MACROD2: variants seen among roughly 807,000 people sequenced by gnomAD.
MACROD2 encodes ADP-ribose glycohydrolase MACROD2.
A neutral mutation model predicts 70.4 loss-of-function variants in MACROD2; 36 were observed. That is an observed-to-expected ratio of 0.51 (90% CI 0.39 to 0.68). MACROD2 has a LOEUF of 0.68. Among genes scored for constraint, MACROD2 ranks in the 30% least tolerant of loss-of-function variants. The probability of loss-of-function intolerance (pLI) is 0.00; values close to 1 mark genes in which losing one functional copy is unlikely to be tolerated. For synonymous variants in MACROD2, 172 were observed against 178.8 expected (o/e 0.96, Z 0.30); for missense variants, 496 against 538.4 (o/e 0.92, Z 0.78).
At chr20:14,826,534 T>G (rs1450134140) in intron 5 of MACROD2, among the ~76,000 whole-genome samples, 1 of 152,122 alleles carries the variant, frequency 6.6e-6, no homozygotes, top group African/African-American at 2.4e-5. Flanking sequence ...CAGACCCTAA[T>G]AGTCTATTTT....
At chr20:15,888,946 C>T (rs953472922) in intron 10 of MACROD2, among the ~76,000 whole-genome samples, 4 of 152,132 alleles carry the variant, frequency 2.6e-5, no homozygotes, top group South Asian at 2.1e-4. Context: ...CTTTCCCCCG[C>T]CCTGCATCAA....
chr20:14,904,355 T>A (rs1453123193), intron 5 of MACROD2, among the ~76,000 whole-genome samples: 1 of 152,212 alleles, frequency 6.6e-6, no homozygotes, highest in African/African-American at 2.4e-5. Flanking sequence ...TCACTGATTT[T>A]ATCCATATAA....
intron 5 of MACROD2, among the ~76,000 whole-genome samples, chr20:15,057,238 T>C (rs988238462): frequency 2.0e-5 from 3 of 152,252 alleles, no homozygotes; most frequent in Non-Finnish European, 4.4e-5. Context: ...TATATGTACA[T>C]GTAGTATGTC....
intron 5 of MACROD2, among the ~76,000 whole-genome samples, chr20:14,814,792 C>T (rs543500935): frequency 6.6e-6 from 1 of 151,954 alleles, no homozygotes; most frequent in African/African-American, 2.4e-5. Flanking sequence ...GAAATAATTG[C>T]AGAGCGTGGC....
At chr20:14,646,214 G>A (rs1985384137) in intron 4 of MACROD2, among the ~76,000 whole-genome samples, 1 of 151,890 alleles carries the variant, frequency 6.6e-6, no homozygotes, top group African/African-American at 2.4e-5. Flanking sequence ...TATTAAGGAA[G>A]CTAATGACTG....
intron 3 of MACROD2, among the ~76,000 whole-genome samples, chr20:14,489,469 T>C (rs1213220583): frequency 6.6e-6 from 1 of 152,240 alleles, no homozygotes; most frequent in East Asian, 1.9e-4. Context: ...TATGCCATTC[T>C]GAAAGGTGGT....
intron 6 of MACROD2, among the ~76,000 whole-genome samples, chr20:15,338,224 A>G (rs1308173589): frequency 2.0e-5 from 3 of 151,608 alleles, no homozygotes; most frequent in African/African-American, 7.3e-5. Context: ...GATTCTACCC[A>G]TCGTGACTTA....
At chr20:15,072,873 G>A (rs775911376) in intron 5 of MACROD2, among the ~76,000 whole-genome samples, 2 of 152,180 alleles carry the variant, frequency 1.3e-5, no homozygotes, top group Non-Finnish European at 1.5e-5. Flanking sequence ...CCCCAAAGCA[G>A]TGGTGTTGGA....
At chr20:14,861,982 T>C (rs1290911686) in intron 5 of MACROD2, among the ~76,000 whole-genome samples, 2 of 72,622 alleles carry the variant, frequency 2.8e-5, no homozygotes, top group Non-Finnish European at 4.9e-5. Flanking sequence ...TATAAATATA[T>C]ATATATATAT....
At chr20:14,571,473 C>T (rs906928819) in intron 4 of MACROD2, among the ~76,000 whole-genome samples, 2 of 152,016 alleles carry the variant, frequency 1.3e-5, no homozygotes, top group African/African-American at 4.8e-5. Flanking sequence ...ATATATATCA[C>T]TTGTAATTAA....
intron 8 of MACROD2, among the ~76,000 whole-genome samples, chr20:15,755,400 C>T (rs1029917197): frequency 6.6e-6 from 1 of 152,156 alleles, no homozygotes; most frequent in Non-Finnish European, 1.5e-5. Flanking sequence ...TTGGAGAGAA[C>T]AGTCATAATG....
chr20:15,001,997 C>T (rs2074999775), intron 5 of MACROD2, among the ~76,000 whole-genome samples: 1 of 151,902 alleles, frequency 6.6e-6, no homozygotes, highest in South Asian at 2.1e-4. Context: ...ACTACAATTC[C>T]TTTATCCACT....
chr20:14,484,322 G>A (rs1161925297), intron 3 of MACROD2, among the ~76,000 whole-genome samples: 1 of 151,936 alleles, frequency 6.6e-6, no homozygotes, highest in Non-Finnish European at 1.5e-5. Context: ...TAGTAGATGT[G>A]TGTGTATATA....
chr20:15,410,062 CT>C, intron 6 of MACROD2, among the ~76,000 whole-genome samples: 1 of 152,198 alleles, frequency 6.6e-6, no homozygotes, highest in Admixed American at 6.5e-5. Context: ...TAAAAAAAAT[CT>C]TTTTTCCTTC....
intron 8 of MACROD2, among the ~76,000 whole-genome samples, chr20:15,655,501 C>T (rs7272064): frequency 0.13 from 19,436 of 151,684 alleles, 1,998 homozygotes; most frequent in African/African-American, 0.26. Flanking sequence ...TCCTGGGCTT[C>T]GGAATAACTT....
chr20:15,214,103 G>A (rs1161083924), intron 5 of MACROD2, among the ~76,000 whole-genome samples: 2 of 152,026 alleles, frequency 1.3e-5, no homozygotes, highest in African/African-American at 4.8e-5. Context: ...CAGCTTCTGT[G>A]CTTTCTCCAG....
chr20:15,021,122 G>GTGTA (rs1491319138), intron 5 of MACROD2, among the ~76,000 whole-genome samples: 9 of 108,552 alleles, frequency 8.3e-5, no homozygotes, highest in African/African-American at 2.0e-4. Context: ...GTGTATACAC[G>GTGTA]TGTGTATACA....
intron 8 of MACROD2, among the ~76,000 whole-genome samples, chr20:15,722,544 T>G (rs967489320): frequency 4.6e-5 from 7 of 152,194 alleles, no homozygotes; most frequent in Non-Finnish European, 8.8e-5. Context: ...TCTCTTCAGG[T>G]CTTTGATCCA....
intron 5 of MACROD2, among the ~76,000 whole-genome samples, chr20:14,879,691 G>C (rs1473227751): frequency 2.0e-5 from 3 of 152,072 alleles, no homozygotes; most frequent in Non-Finnish European, 2.9e-5. Flanking sequence ...AGTTAATGGT[G>C]GCATATATAG....
Sources: gnomAD v4.1 joint callset for allele counts (sites outside exome capture counted in the v4.1 genomes callset) on GRCh38, gnomAD v4.1.1 for gene constraint, MANE v1.5 for transcripts, NCBI Gene and HGNC (gene_info 2026-07-23, HGNC 2026-07-21) for gene names.